HNRNPA2B1: variants seen among roughly 807,000 people sequenced by gnomAD.
HNRNPA2B1 encodes the protein heterogeneous nuclear ribonucleoproteins A2/B1.
HNRNPA2B1 carries 3 observed loss-of-function variants against 46.3 expected under a neutral mutation model. The ratio of observed to expected loss-of-function variants is 0.06; its 90% confidence interval spans 0.03 to 0.17. The LOEUF (loss-of-function observed/expected upper bound fraction) is 0.17. Among genes scored for constraint, HNRNPA2B1 ranks in the 10% least tolerant of loss-of-function variants. The pLI is 1.00. For missense variants in HNRNPA2B1, 221 were observed against 418.9 expected (o/e 0.53, Z 4.12); for synonymous variants, 225 against 133.8 (o/e 1.68, Z -4.70).
In HNRNPA2B1 at chr7:26,197,448, G is replaced by A. The variant is rs760638546; in HGVS notation, c.131C>T (p.Pro44Leu). The part of the protein sequence containing the change: ...KLTDCVVMRD[P>L]ASKRSRGFGF... ...AAATCCTCTTGATCTTTTGCTTGCA[G>A]GATCCCTCATTACCTTTCAAACCAA... is the stretch of plus-strand genomic sequence containing the variant. Residue 44 changes from proline to leucine, a missense_variant, in exon 3 of 11, where the codon CCT (proline) becomes CTT (leucine). Pro to Leu is a moderately conservative substitution (Grantham distance 98, BLOSUM62 -3). Coordinates refer to ENST00000618183, the MANE Select transcript of HNRNPA2B1 (RefSeq NM_002137.4). 6.2e-7 allele frequency: 1 copy of A among 1,613,816 alleles called. No homozygotes were observed. Among genetic ancestry groups the A allele is most frequent in the Non-Finnish European group, 8.5e-7 (1 of 1,179,886 alleles).
intron 3 of HNRNPA2B1, 99 bp from the exon 4 acceptor site, chr7:26,197,116 T>A (rs1783730161): frequency 1.8e-6 from 2 of 1,112,648 alleles, no homozygotes; most frequent in Non-Finnish European, 1.3e-6. Context: ...GTATCCACCT[T>A]AAAACTACCA....
At chr7:26,197,498 C>T (rs953002423) in intron 2 of HNRNPA2B1, 37 bp from the exon 3 acceptor site, 27 of 1,603,192 alleles carry the variant, frequency 1.7e-5, no homozygotes, top group African/African-American at 2.7e-5. Context: ...CATTTAATCT[C>T]ATTATAGCTT....
At position 26,197,032 on chromosome 7, in the gene HNRNPA2B1, G is replaced by C. The variant is rs780521053; in HGVS notation, c.265-15C>G. ...TTTCCAGATTCCTAAAATAGTGGTGGGGTAAAAGTCATCCAAACAGAAAAA... is the reference window on the plus strand; with the variant it reads ...TTTCCAGATTCCTAAAATAGTGGTGCGGTAAAAGTCATCCAAACAGAAAAA... On this transcript the variant is annotated splice_polypyrimidine_tract_variant and intron_variant, in intron 3 of 10. Coordinates refer to ENST00000618183, the MANE Select transcript of HNRNPA2B1 (RefSeq NM_002137.4). 5 of 1,587,952 alleles carry C rather than the reference G, an allele frequency of 3.1e-6. No individual in the cohort carries two copies. The highest frequency in any genetic ancestry group is 2.2e-5 in the East Asian group (1 of 44,746).
At chr7:26,196,080 C>T (rs1370024262) in intron 6 of HNRNPA2B1, among the ~76,000 whole-genome samples, 171 bp from the exon 7 acceptor site, 9 of 152,170 alleles carry the variant, frequency 5.9e-5, no homozygotes, top group African/African-American at 1.4e-4. Context: ...TTAAATCTAC[C>T]GCCTAAATTT....
Position 26,191,204 on chromosome 7 carries a change from G to GGAA in HNRNPA2B1, c.*1155_*1156insTTC, listed in dbSNP as rs1782877370. 6.6e-6 allele frequency: 1 copy of GGAA among 151,588 alleles called. No homozygotes were observed. The highest frequency in any genetic ancestry group is 1.5e-5 in the Non-Finnish European group (1 of 67,730). The allele number at this position is 151,588 out of a possible 1,614,324, so 9.4% of individuals were successfully genotyped here. On this transcript the variant is annotated 3_prime_UTR_variant, in exon 11 of 11. Transcript: ENST00000618183. ...CATGGAGGGGGAGGGGGTGGGAAAA[G>GGAA]AAGGAAAAAAAGGGAAAAACAACCA...
rs1782753054 is a variant in HNRNPA2B1, at chr7:26,190,305, T to A, written c.*2055A>T. 1 of 152,430 alleles carries A rather than the reference T, an allele frequency of 6.6e-6. No homozygotes were observed. The highest frequency in any genetic ancestry group is 1.5e-5 in the Non-Finnish European group (1 of 67,972). 9.4% of individuals were successfully genotyped at this position (152,430 alleles called of 1,614,324 possible). The stretch of plus-strand genomic sequence containing the variant: ...TATATCAAGAACCTCAACTAAATGT[T>A]TGTTTTATCAGAAAACATTTCCCTT... On this transcript the variant is annotated 3_prime_UTR_variant, in exon 11 of 11. Coordinates refer to ENST00000618183, the MANE Select transcript of HNRNPA2B1 (RefSeq NM_002137.4).
chr7:26,195,905 T>C lies in HNRNPA2B1; in HGVS notation c.663A>G (p.Gly221=). 1.2e-6 allele frequency: 2 copies of C among 1,607,154 alleles called. No individual in the cohort carries two copies. The highest frequency in any genetic ancestry group is 1.7e-6 in the Non-Finnish European group (2 of 1,178,106). The change falls in exon 7 of 11, where the codon GGA becomes GGG. Residue 221 remains glycine (G), a synonymous_variant. Transcript: ENST00000618183. ...CCCCAAATCCACGTCCACTGCCATA[T>C]CCATCTGTTAGGGGCCAAAAAAAGA... The part of the protein sequence containing the change: ...PGSNFRGGSD[G]YGSGRGFGDG...
intron 7 of HNRNPA2B1, among the ~76,000 whole-genome samples, chr7:26,194,185 A>G (rs1050012617): frequency 6.6e-6 from 1 of 152,088 alleles, no homozygotes; most frequent in African/African-American, 2.4e-5. Context: ...TCACGAGGTC[A>G]AGAGATTGAG....
rs937650166 is a variant in HNRNPA2B1, at chr7:26,197,111, C to T, written c.265-94G>A. 12 of 1,110,622 alleles carry T rather than the reference C, an allele frequency of 1.1e-5. No individual in the cohort carries two copies. In the African/African-American group the frequency reaches 1.9e-4, roughly 17 times the overall value. 68.8% of individuals were successfully genotyped at this position (1,110,622 alleles called of 1,614,324 possible). A position where few individuals can be genotyped will look rare whatever the true frequency, so the allele number is the denominator to read the frequency against. ...CGTAGTACCATACTTCGCTTGTATCCACCTTAAAACTACCAGATATAAAAT... is the reference window on the plus strand; with the variant it reads ...CGTAGTACCATACTTCGCTTGTATCTACCTTAAAACTACCAGATATAAAAT... On this transcript the variant is annotated intron_variant, in intron 3 of 10. Transcript: ENST00000618183.
chr7:26,193,983 G>C (rs1320530559), intron 7 of HNRNPA2B1, among the ~76,000 whole-genome samples: 2 of 152,312 alleles, frequency 1.3e-5, no homozygotes, highest in East Asian at 3.9e-4. Context: ...TATATTGTGG[G>C]TAAGGACTGT....
At chr7:26,199,070 T>C (rs980984172) in intron 1 of HNRNPA2B1, 1 of 152,308 alleles carries the variant, frequency 6.6e-6, no homozygotes, top group Admixed American at 6.5e-5. Context: ...TTTTTTCAGC[T>C]AGTTTTTATT....
chr7:26,196,565 C>T lies in HNRNPA2B1; in HGVS notation c.569G>A (p.Gly190Glu). 6.2e-7 allele frequency: 1 copy of T among 1,613,408 alleles called. No individual in the cohort carries two copies. The highest frequency in any genetic ancestry group is 1.1e-5 in the South Asian group (1 of 91,050). ...AACAGAATTAAAATTACCTCCTCTTCCACTCCTAGAACTCTGAACTTCCTG... is the reference window on the plus strand; with the variant it reads ...AACAGAATTAAAATTACCTCCTCTTTCACTCCTAGAACTCTGAACTTCCTG... ...EMQEVQSSRS[G>E]RGGNFGFGDS... Residue 190 changes from glycine to glutamate, a missense_variant, in exon 5 of 11, where the codon GGA (glycine) becomes GAA (glutamate). Gly to Glu is a moderately conservative substitution (Grantham distance 98). This residue lies in a region of HNRNPA2B1 where 143 missense variants were observed against 200.5 expected (regional missense o/e 0.71). Transcript: ENST00000618183.
Position 26,195,875 on chromosome 7 carries a change from G to A in HNRNPA2B1, c.693C>T (p.Gly231=), listed in dbSNP as rs1228654351. ...GYGSGRGFGD[G]YNGYGGGPGG... is the part of the protein sequence containing the mutation. ...CAGGTCCTCCTCCATACCCATTATA[G>A]CCATCCCCAAATCCACGTCCACTGC... The change falls in exon 7 of 11, where the codon GGC becomes GGT. Residue 231 remains glycine (G), a synonymous_variant. Coordinates refer to ENST00000618183, the MANE Select transcript of HNRNPA2B1 (RefSeq NM_002137.4). 6.2e-7 allele frequency: 1 copy of A among 1,610,474 alleles called. No individual in the cohort carries two copies. Among genetic ancestry groups the A allele is most frequent in the Non-Finnish European group, 8.5e-7 (1 of 1,178,864 alleles).
intron 1 of HNRNPA2B1, chr7:26,200,076 C>T (rs945055605): frequency 1.8e-5 from 3 of 169,824 alleles, no homozygotes; most frequent in African/African-American, 7.2e-5. Context: ...ATAGAGAAAG[C>T]ACACTAAGAA....
rs1782952018 is a variant in HNRNPA2B1, at chr7:26,191,881, AAC to A, written c.*477_*478del. 1 of 152,638 alleles carries A rather than the reference AAC, an allele frequency of 6.6e-6. No homozygotes were observed. Among genetic ancestry groups the A allele is most frequent in the African/African-American group, 2.4e-5 (1 of 41,460 alleles). 9.5% of individuals were successfully genotyped at this position (152,638 alleles called of 1,614,324 possible). On this transcript the variant is annotated 3_prime_UTR_variant, in exon 11 of 11. Coordinates refer to ENST00000618183, the MANE Select transcript of HNRNPA2B1 (RefSeq NM_002137.4). ...TTATTTTATTAAATCATAAATGTAC[AAC>A]AGCTTCTTAACTCTACACACGCACT... is the stretch of plus-strand genomic sequence containing the variant.
chr7:26,199,611 T>C (rs1263501306), intron 1 of HNRNPA2B1: 1 of 152,162 alleles, frequency 6.6e-6, no homozygotes, highest in Non-Finnish European at 1.5e-5. Flanking sequence ...CAGTAAAGGA[T>C]TCTGACGCGA....
chr7:26,195,968 A>G (rs755497934), intron 6 of HNRNPA2B1, 59 bp from the exon 7 acceptor site: 18 of 1,538,628 alleles, frequency 1.2e-5, no homozygotes, highest in Admixed American at 4.6e-5. Context: ...TATTGCTAAT[A>G]TTCATTTTCA....
chr7:26,193,721 T>G, intron 7 of HNRNPA2B1, 27 bp from the exon 8 acceptor site: 1 of 1,590,750 alleles, frequency 6.3e-7, no homozygotes, highest in East Asian at 2.2e-5. Flanking sequence ...CTTTAAGTAA[T>G]CACTTAATAT....
chr7:26,199,409 C>G (rs539492271), intron 1 of HNRNPA2B1: 5 of 152,256 alleles, frequency 3.3e-5, no homozygotes, highest in Non-Finnish European at 7.3e-5. Flanking sequence ...GCACATCAAT[C>G]CATACGCATT....
Sources: gnomAD v4.1 joint callset for allele counts (sites outside exome capture counted in the v4.1 genomes callset) on GRCh38, gnomAD v4.1.1 for gene constraint, gnomAD v4.1.1 regional missense constraint, MANE v1.5 for transcripts, NCBI Gene and HGNC (gene_info 2026-07-23, HGNC 2026-07-21) for gene names.